Variants in MTMR3 observed in about 807,000 individuals in gnomAD.
MTMR3 encodes the protein phosphatidylinositol-3,5-bisphosphate 3-phosphatase MTMR3.
Under a neutral mutation model 132.4 loss-of-function variants are expected in MTMR3, and 32 were observed. That is an observed-to-expected ratio of 0.24 (90% CI 0.18 to 0.32). MTMR3 has a LOEUF of 0.32. Ranked by LOEUF, MTMR3 falls within the 10% of genes least tolerant of loss-of-function variation. The probability of loss-of-function intolerance (pLI) is 1.00; values close to 1 mark genes in which losing one functional copy is unlikely to be tolerated. For synonymous variants in MTMR3, 556 were observed against 550.3 expected (o/e 1.01, Z -0.14); for missense variants, 1,216 against 1,489.6 (o/e 0.82, Z 3.02).
chr22:29,948,896 G>A (rs1046820808), intron 1 of MTMR3, among the ~76,000 whole-genome samples: 3 of 151,386 alleles, frequency 2.0e-5, no homozygotes, highest in African/African-American at 7.3e-5. Flanking sequence ...CTTGAGCCTA[G>A]GAGTTCAAGA....
chr22:29,966,790 T>A (rs1222228652), intron 2 of MTMR3, among the ~76,000 whole-genome samples: 2 of 150,664 alleles, frequency 1.3e-5, no homozygotes, highest in Non-Finnish European at 3.0e-5. Context: ...TGTGTGTGTG[T>A]GAGAGAGAGA....
In MTMR3 at chr22:30,026,093, G is replaced by C. The variant is rs767546118; in HGVS notation, c.*292G>C. The C allele has an allele frequency of 1.3e-5, 4 of 319,564 alleles. No homozygotes were observed. The highest frequency in any genetic ancestry group is 1.7e-5 in the Non-Finnish European group (3 of 172,228). 19.8% of individuals were successfully genotyped at this position (319,564 alleles called of 1,614,324 possible). On this transcript the variant is annotated 3_prime_UTR_variant, in exon 20 of 20. Coordinates refer to ENST00000401950, the MANE Select transcript of MTMR3 (RefSeq NM_021090.4). ...AAGACCAAGGGTTGCCAGGCCCACT[G>C]TAACTGCCGAGCTGCCTGCTGTCAC...
intron 5 of MTMR3, chr22:29,982,937 T>TTTTTTTTTTTTTG (rs752531735): frequency 6.8e-6 from 1 of 146,280 alleles, no homozygotes; most frequent in African/African-American, 2.6e-5. Context: ...AAAAGTTTGT[T>TTTTTTTTTTTTTG]TGTGTGTGTG....
chr22:29,933,916 A>T (rs773464148), intron 1 of MTMR3, among the ~76,000 whole-genome samples: 1 of 152,096 alleles, frequency 6.6e-6, no homozygotes, highest in Admixed American at 6.6e-5. Flanking sequence ...TCTCAATGAG[A>T]TGATGCACTT....
intron 1 of MTMR3, among the ~76,000 whole-genome samples, chr22:29,884,601 C>T (rs1164421129): frequency 4.0e-5 from 6 of 149,220 alleles, no homozygotes; most frequent in South Asian, 2.1e-4. Context: ...CTCTCTCTCC[C>T]GCCCAGGCCG....
rs1266762392 is a variant in MTMR3 at position 30,008,186 on chromosome 22, C to T, written c.1009+154C>T. 4 of 949,862 alleles carry T rather than the reference C, an allele frequency of 4.2e-6. No homozygotes were observed. The African/African-American group carries it at 5.0e-5, about 12-fold the overall frequency. The allele number at this position is 949,862 out of a possible 1,614,324, so 58.8% of individuals were successfully genotyped here. A position where few individuals can be genotyped will look rare whatever the true frequency, so the allele number is the denominator to read the frequency against. ...CCAGAGCTTCTCTTTGGATTCTTAACACTGTATGTTCTTTTCTGAGGAGAA... is the reference window on the plus strand; with the variant it reads ...CCAGAGCTTCTCTTTGGATTCTTAATACTGTATGTTCTTTTCTGAGGAGAA... On this transcript the variant is annotated intron_variant, in intron 11 of 19. Coordinates refer to ENST00000401950, the MANE Select transcript of MTMR3 (RefSeq NM_021090.4).
At chr22:29,977,645 T>C (rs2066655540) in intron 3 of MTMR3, among the ~76,000 whole-genome samples, 1 of 152,228 alleles carries the variant, frequency 6.6e-6, no homozygotes, top group African/African-American at 2.4e-5. Context: ...ATGGTAGAGA[T>C]AATGAACTCT....
At chr22:29,915,321 C>G (rs2065287680) in intron 1 of MTMR3, among the ~76,000 whole-genome samples, 1 of 152,098 alleles carries the variant, frequency 6.6e-6, no homozygotes, top group African/African-American at 2.4e-5. Context: ...TTTTCCCATC[C>G]TTTTACTTTT....
chr22:29,989,309 A>C (rs1486262318), intron 6 of MTMR3: 2 of 152,428 alleles, frequency 1.3e-5, no homozygotes, highest in African/African-American at 4.8e-5. Context: ...GCGCACTGCA[A>C]CTTCTGCCTC....
chr22:30,017,150 T>A (rs2067613891), intron 15 of MTMR3: 2 of 159,224 alleles, frequency 1.3e-5, no homozygotes, highest in Admixed American at 1.2e-4. Flanking sequence ...GACATTGGTA[T>A]GTGTGTCTGT....
chr22:29,901,061 A>T (rs2064994734), intron 1 of MTMR3, among the ~76,000 whole-genome samples: 1 of 152,116 alleles, frequency 6.6e-6, no homozygotes, highest in Admixed American at 6.6e-5. Context: ...AAATGTTAAG[A>T]TTTTATAATA....
chr22:29,904,666 C>T (rs911674612), intron 1 of MTMR3, among the ~76,000 whole-genome samples: 6 of 152,222 alleles, frequency 3.9e-5, no homozygotes, highest in Non-Finnish European at 8.8e-5. Context: ...AACAACACTA[C>T]AGTTACACAT....
chr22:29,886,415 G>A (rs1252424567), intron 1 of MTMR3, among the ~76,000 whole-genome samples: 1 of 152,190 alleles, frequency 6.6e-6, no homozygotes, highest in Non-Finnish European at 1.5e-5. Flanking sequence ...CACAGTAAGT[G>A]CAAAGGTAGT....
At chr22:29,932,512 G>T (rs1188713304) in intron 1 of MTMR3, among the ~76,000 whole-genome samples, 1 of 152,166 alleles carries the variant, frequency 6.6e-6, no homozygotes, top group African/African-American at 2.4e-5. Flanking sequence ...GCACGGAAGT[G>T]ATCAAGACTA....
At chr22:29,945,615 G>A (rs2065937580) in intron 1 of MTMR3, among the ~76,000 whole-genome samples, 1 of 151,786 alleles carries the variant, frequency 6.6e-6, no homozygotes, top group Non-Finnish European at 1.5e-5. Flanking sequence ...TGAGACAGTA[G>A]GATTGCTTGA....
At chr22:29,883,491 A>G (rs1376330954) in intron 1 of MTMR3, 132 bp downstream of exon 1, 1 of 152,232 alleles carries the variant, frequency 6.6e-6, no homozygotes, top group East Asian at 1.9e-4. Flanking sequence ...AGGGCTGGGG[A>G]CTGCGTGCGG....
chr22:30,008,912 T>G, intron 11 of MTMR3, 106 bp from the exon 12 acceptor site: 1 of 719,766 alleles, frequency 1.4e-6, no homozygotes, highest in Non-Finnish European at 2.5e-6. Flanking sequence ...GTTTCGTTAA[T>G]CAGAAGCTGC....
At chr22:29,947,108 A>G (rs1273542709) in intron 1 of MTMR3, among the ~76,000 whole-genome samples, 2 of 152,234 alleles carry the variant, frequency 1.3e-5, no homozygotes, top group Non-Finnish European at 2.9e-5. Flanking sequence ...GTTCTGACTG[A>G]ACAGTAGTAG....
intron 1 of MTMR3, among the ~76,000 whole-genome samples, chr22:29,895,516 A>G (rs1174662087): frequency 2.6e-5 from 4 of 152,186 alleles, no homozygotes; most frequent in Non-Finnish European, 4.4e-5. Context: ...GAAAAGTGGT[A>G]GTCGGTTGGC....
Sources: gnomAD v4.1 joint callset for allele counts (sites outside exome capture counted in the v4.1 genomes callset) on GRCh38, gnomAD v4.1.1 for gene constraint, MANE v1.5 for transcripts, NCBI Gene and HGNC (gene_info 2026-07-23, HGNC 2026-07-21) for gene names.